The following IQCM variants were observed in gnomAD, a reference collection of about 807,000 sequenced individuals.
The protein encoded by IQCM is IQ motif containing M, also known as IQ domain-containing protein M.
Under a neutral mutation model 57.6 loss-of-function variants are expected in IQCM, and 45 were observed. The ratio of observed to expected loss-of-function variants is 0.78; its 90% confidence interval spans 0.62 to 1.00. The LOEUF is 1.00. IQCM is among the 50% of genes least tolerant of loss of function. The probability of loss-of-function intolerance (pLI) is 0.00; values close to 1 mark genes in which losing one functional copy is unlikely to be tolerated. For synonymous variants in IQCM, 148 were observed against 158.9 expected, an observed-to-expected ratio of 0.93 and a Z score of 0.51; for missense variants, 468 against 511.6, an observed-to-expected ratio of 0.91 and a Z score of 0.82.
At chr4:149,609,883 C>T (rs550601485) in intron 8 of IQCM, among the ~76,000 whole-genome samples, 5 of 151,456 alleles carry the variant, frequency 3.3e-5, no homozygotes, top group South Asian at 2.1e-4. Flanking sequence ...AAGTCTTAGA[C>T]GGAGTATTTA....
At chr4:149,429,841 G>C in intron 13 of IQCM, 1 of 410,274 alleles carries the variant, frequency 2.4e-6, no homozygotes, top group Non-Finnish European at 4.2e-6. Flanking sequence ...AAGATTCAAG[G>C]CTCTGGTAAC....
intron 5 of IQCM, among the ~76,000 whole-genome samples, chr4:149,729,183 C>G (rs1226507980): frequency 6.6e-6 from 1 of 152,186 alleles, no homozygotes; most frequent in African/African-American, 2.4e-5. Flanking sequence ...GGGACGCGCT[C>G]TCTTCATTTT....
chr4:149,401,131 T>C (rs1020015414), intron 13 of IQCM, among the ~76,000 whole-genome samples: 1 of 151,540 alleles, frequency 6.6e-6, no homozygotes, highest in African/African-American at 2.4e-5. Flanking sequence ...TCAAAAACCT[T>C]ACAACCAGGA....
chr4:149,594,541 T>A (rs1265969081), intron 8 of IQCM, among the ~76,000 whole-genome samples: 1 of 152,196 alleles, frequency 6.6e-6, no homozygotes, highest in African/African-American at 2.4e-5. Flanking sequence ...CTTTTAACTG[T>A]GATGTTGGGG....
chr4:149,766,355 G>T (rs1770057795), intron 2 of IQCM, among the ~76,000 whole-genome samples: 3 of 152,194 alleles, frequency 2.0e-5, no homozygotes, highest in Admixed American at 6.5e-5. Flanking sequence ...AGCTAAACCA[G>T]TTCCTGTTAT....
intron 12 of IQCM, among the ~76,000 whole-genome samples, chr4:149,464,962 G>A (rs1172546715): frequency 1.3e-5 from 2 of 152,118 alleles, no homozygotes; most frequent in African/African-American, 4.8e-5. Context: ...ATGAAGTCTA[G>A]ATGAAGAGTG....
intron 12 of IQCM, among the ~76,000 whole-genome samples, chr4:149,539,484 T>C (rs908938927): frequency 2.0e-5 from 3 of 152,146 alleles, no homozygotes; most frequent in Non-Finnish European, 4.4e-5. Context: ...TGTACACCAA[T>C]GCACATTTAC....
At chr4:149,653,101 T>C (rs991851324) in intron 7 of IQCM, among the ~76,000 whole-genome samples, 1 of 152,040 alleles carries the variant, frequency 6.6e-6, no homozygotes, top group African/African-American at 2.4e-5. Flanking sequence ...AGTTATAAAA[T>C]CAATAAAGAT....
At chr4:149,813,950 C>G (rs1353074660) in intron 2 of IQCM, among the ~76,000 whole-genome samples, 1 of 152,016 alleles carries the variant, frequency 6.6e-6, no homozygotes, top group Non-Finnish European at 1.5e-5. Context: ...TACAAACCTC[C>G]CAATAATTGA....
intron 13 of IQCM, among the ~76,000 whole-genome samples, chr4:149,409,313 T>C (rs1733206497): frequency 6.6e-6 from 1 of 152,216 alleles, no homozygotes; most frequent in Non-Finnish European, 1.5e-5. Flanking sequence ...CTGTGGCCCA[T>C]GCCAGTCATC....
chr4:149,397,529 G>T (rs1732314152), intron 13 of IQCM, among the ~76,000 whole-genome samples: 1 of 151,838 alleles, frequency 6.6e-6, no homozygotes, highest in African/African-American at 2.4e-5. Context: ...CTCTCTCGCT[G>T]CCATGTAAGA....
At chr4:149,374,934 T>C (rs1343740060) in intron 13 of IQCM, among the ~76,000 whole-genome samples, 1 of 151,916 alleles carries the variant, frequency 6.6e-6, no homozygotes, top group African/African-American at 2.4e-5. Flanking sequence ...AGGACAAGAT[T>C]ATGCCAAGTT....
At chr4:149,516,526 T>G (rs1274540084) in intron 12 of IQCM, among the ~76,000 whole-genome samples, 1 of 152,200 alleles carries the variant, frequency 6.6e-6, no homozygotes, top group Non-Finnish European at 1.5e-5. Context: ...AAGTCACAAT[T>G]ACAATGCCAA....
intron 13 of IQCM, among the ~76,000 whole-genome samples, chr4:149,375,327 C>G (rs1413740607): frequency 3.3e-5 from 5 of 152,078 alleles, no homozygotes. Flanking sequence ...TCTGATATTT[C>G]TGCTCTTGTC....
intron 13 of IQCM, among the ~76,000 whole-genome samples, chr4:149,382,804 A>T (rs1172441565): frequency 2.0e-5 from 3 of 152,134 alleles, no homozygotes; most frequent in Non-Finnish European, 4.4e-5. Flanking sequence ...TATTGTTCAC[A>T]TTAAATTTCA....
At chr4:149,469,209 G>T (rs940071326) in intron 12 of IQCM, among the ~76,000 whole-genome samples, 1 of 152,270 alleles carries the variant, frequency 6.6e-6, no homozygotes, top group East Asian at 1.9e-4. Flanking sequence ...CCACCGTAAA[G>T]AAGCTAAAAA....
chr4:149,356,739 G>A (rs1174975867), intron 13 of IQCM, among the ~76,000 whole-genome samples: 3 of 152,090 alleles, frequency 2.0e-5, no homozygotes, highest in Non-Finnish European at 4.4e-5. Context: ...CTCTTTTTTG[G>A]TTCCATATGA....
intron 7 of IQCM, among the ~76,000 whole-genome samples, chr4:149,660,998 CAAAAATAAAAAACT>C (rs1339100711): frequency 2.0e-5 from 3 of 151,722 alleles, no homozygotes; most frequent in African/African-American, 7.3e-5. Context: ...TAAAATAAAA[CAAAAATAAAAAACT>C]AAAAATAAAA....
At chr4:149,576,283 T>A (rs537879965) in intron 9 of IQCM, among the ~76,000 whole-genome samples, 12 of 151,902 alleles carry the variant, frequency 7.9e-5, no homozygotes, top group African/African-American at 2.9e-4. Context: ...AAAGTAGTTT[T>A]TTGATCCTCA....
Sources: gnomAD v4.1 joint callset for allele counts (sites outside exome capture counted in the v4.1 genomes callset) on GRCh38, gnomAD v4.1.1 for gene constraint, MANE v1.5 for transcripts, NCBI Gene and HGNC (gene_info 2026-07-23, HGNC 2026-07-21) for gene names.